Variants in CERS4 observed in about 807,000 individuals in gnomAD.
CERS4 encodes the protein ceramide synthase 4.
Under a neutral mutation model 51.8 loss-of-function variants are expected in CERS4, and 65 were observed. The ratio of observed to expected loss-of-function variants is 1.26; its 90% CI spans 1.03 to 1.54. The LOEUF (loss-of-function observed/expected upper bound fraction) is 1.54. Among genes scored for constraint, CERS4 ranks in the 40% most tolerant of loss-of-function variants. The probability of loss-of-function intolerance (pLI) is 0.00; values close to 1 mark genes in which losing one functional copy is unlikely to be tolerated. For synonymous variants in CERS4, 228 were observed against 208.4 expected (o/e 1.09, Z -0.81); for missense variants, 563 against 500.4 (o/e 1.13, Z -1.19).
chr19:8,261,484 CGT>C (rs1367562821), intron 10 of CERS4: 3 of 596,294 alleles, frequency 5.0e-6, no homozygotes, highest in South Asian at 2.1e-5. Context: ...TCAGGGAGCT[CGT>C]GTGTGTGTTC....
intron 10 of CERS4, among the ~76,000 whole-genome samples, chr19:8,259,868 G>A (rs184109444): frequency 5.7e-4 from 86 of 152,206 alleles, no homozygotes; most frequent in Admixed American, 1.1e-3. Flanking sequence ...CTCAGTCCTC[G>A]GGCTTCCTGA....
chr19:8,225,365 G>A (rs1474847538), intron 2 of CERS4, among the ~76,000 whole-genome samples: 1 of 151,794 alleles, frequency 6.6e-6, no homozygotes, highest in Non-Finnish European at 1.5e-5. Context: ...ACAGAGAGGT[G>A]GCAGTGGACA....
intron 10 of CERS4, 147 bp from the exon 11 acceptor site, chr19:8,261,535 CAGCTCA>C: frequency 3.6e-6 from 3 of 830,468 alleles, no homozygotes; most frequent in Non-Finnish European, 5.7e-6. Flanking sequence ...CTCGCGTGCC[CAGCTCA>C]AGAGTGTTAG....
chr19:8,231,850 C>CTTTTTTT (rs1568509577), intron 2 of CERS4, among the ~76,000 whole-genome samples: 4 of 71,248 alleles, frequency 5.6e-5, no homozygotes, highest in African/African-American at 1.2e-4. Context: ...CTGTGCCCAG[C>CTTTTTTT]ATTTTTTTTT....
rs2288412 is a variant in CERS4, at chr19:8,256,678, C to T, written c.580C>T (p.Leu194=). ...GGAGCTGGGTTTCTACCTCTCACTG[C>T]TAATCAGGCTGCCCTTTGATGTCAA... The part of the protein sequence containing the change: ...LLELGFYLSL[L]IRLPFDVKRK... The change falls in exon 8 of 12, where the codon CTA becomes TTA. Residue 194 remains leucine, a synonymous_variant. Transcript: ENST00000251363. 6,572 of 1,613,894 alleles carry T rather than the reference C, an allele frequency of 4.1e-3. 246 individuals are homozygous for T. The East Asian group carries it at 0.091, about 22-fold the overall frequency.
Position 8,256,991 on chromosome 19 carries a change from C to T in CERS4, c.655C>T (p.Leu219=). 1 of 1,614,122 alleles carries T rather than the reference C, an allele frequency of 6.2e-7. No homozygotes were observed. Among genetic ancestry groups the T allele is most frequent in the Non-Finnish European group, 8.5e-7 (1 of 1,179,982 alleles). ...QVIHHFVAVI[L]MTFSYSANLL... ...GATACACCACTTCGTGGCGGTCATC[C>T]TGATGACCTTCTCCTACAGTGCCAA... The change falls in exon 9 of 12, where the codon CTG becomes TTG. Residue 219 remains leucine (L), a synonymous_variant. Transcript: ENST00000251363.
chr19:8,259,289 A>G (rs1175204138), intron 10 of CERS4, among the ~76,000 whole-genome samples: 1 of 152,142 alleles, frequency 6.6e-6, no homozygotes, highest in Non-Finnish European at 1.5e-5. Context: ...AGTGTGTTCC[A>G]GGCAGAGAAT....
At chr19:8,212,403 C>T (rs1192245912) in intron 2 of CERS4, among the ~76,000 whole-genome samples, 1 of 152,034 alleles carries the variant, frequency 6.6e-6, no homozygotes, top group Non-Finnish European at 1.5e-5. Flanking sequence ...TGTAAGTCAG[C>T]AATCTGTTCT....
intron 10 of CERS4, among the ~76,000 whole-genome samples, chr19:8,260,170 T>C (rs1000032576): frequency 2.6e-5 from 4 of 151,780 alleles, no homozygotes; most frequent in Non-Finnish European, 2.9e-5. Context: ...CTACAGCTGA[T>C]TGGGGGGTAG....
Position 8,238,576 on chromosome 19 carries a change from C to A in CERS4, c.-1-12500C>A, listed in dbSNP as rs1173361706. 3.0e-6 allele frequency: 3 copies of A among 985,168 alleles called. No homozygotes were observed. In the African/African-American group the frequency reaches 5.2e-5, roughly 17 times the overall value. 61.0% of individuals were successfully genotyped at this position (985,168 alleles called of 1,614,324 possible). On this transcript the variant is annotated intron_variant, in intron 2 of 11. Coordinates refer to ENST00000251363, the MANE Select transcript of CERS4 (RefSeq NM_024552.3). ...CCAGAAGGGTAAGGAGGTGGAGGCC[C>A]CTCTTTACTTCCTTCCCACAGCAGG...
At chr19:8,245,888 C>A (rs993864018) in intron 2 of CERS4, among the ~76,000 whole-genome samples, 6 of 85,666 alleles carry the variant, frequency 7.0e-5, no homozygotes, top group African/African-American at 2.6e-4. Context: ...ACTGACAAAA[C>A]TAAGCTTTGA....
At chr19:8,232,531 A>T (rs902816103) in intron 2 of CERS4, among the ~76,000 whole-genome samples, 1 of 151,840 alleles carries the variant, frequency 6.6e-6, no homozygotes, top group Non-Finnish European at 1.5e-5. Flanking sequence ...ACCTCAGATG[A>T]TCTGCCCACC....
intron 4 of CERS4, 43 bp from the exon 5 acceptor site, chr19:8,255,564 C>T: frequency 1.9e-6 from 3 of 1,553,312 alleles, no homozygotes; most frequent in Non-Finnish European, 2.6e-6. Context: ...GGGAAGCCAC[C>T]ACAGGGCCTC....
intron 2 of CERS4, among the ~76,000 whole-genome samples, chr19:8,226,960 C>G (rs1391421771): frequency 6.6e-6 from 1 of 152,136 alleles, no homozygotes; most frequent in Non-Finnish European, 1.5e-5. Context: ...GAAACCCTGT[C>G]TCTACTAAAA....
At chr19:8,252,958 G>A (rs1969163627) in intron 3 of CERS4, among the ~76,000 whole-genome samples, 1 of 152,144 alleles carries the variant, frequency 6.6e-6, no homozygotes, top group African/African-American at 2.4e-5. Flanking sequence ...TTACCCATTA[G>A]GACAATAGGA....
intron 4 of CERS4, 100 bp from the exon 5 acceptor site, chr19:8,255,507 G>T (rs902510943): frequency 1.0e-6 from 1 of 1,000,114 alleles, no homozygotes; most frequent in Non-Finnish European, 1.5e-6. Context: ...GGCAAGATGT[G>T]GGCCTGCAGT....
rs754174227 is a variant in CERS4, at chr19:8,256,997, A to C, written c.661A>C (p.Thr221Pro). ...CCACTTCGTGGCGGTCATCCTGATG[A>C]CCTTCTCCTACAGTGCCAACCTGCT... ...IHHFVAVILM[T>P]FSYSANLLRI... is the part of the protein sequence containing the mutation. Residue 221 changes from threonine (T) to proline (P), a missense_variant, in exon 9 of 12, where the codon ACC becomes CCC. By Grantham distance (38) the Thr-to-Pro change is conservative. Transcript: ENST00000251363. 3.1e-6 allele frequency: 5 copies of C among 1,613,876 alleles called. No homozygotes were observed. Among genetic ancestry groups the C allele is most frequent in the African/African-American group, 1.3e-5 (1 of 74,908 alleles).
chr19:8,251,643 C>G (rs1316203177), intron 3 of CERS4, among the ~76,000 whole-genome samples: 1 of 151,968 alleles, frequency 6.6e-6, no homozygotes, highest in Admixed American at 6.6e-5. Context: ...GAAACCCTGT[C>G]TCTGCTAAAA....
At chr19:8,244,792 A>G (rs1313870049) in intron 2 of CERS4, among the ~76,000 whole-genome samples, 1 of 151,972 alleles carries the variant, frequency 6.6e-6, no homozygotes, top group Non-Finnish European at 1.5e-5. Flanking sequence ...TGGCCTCCCA[A>G]AGTGCTGGGA....
Sources: allele counts gnomAD v4.1 joint callset (sites outside exome capture counted in the v4.1 genomes callset), GRCh38; gene constraint gnomAD v4.1.1; transcripts MANE v1.5; gene names NCBI Gene and HGNC (gene_info 2026-07-23, HGNC 2026-07-21).